Variants in PLPPR5 observed in about 807,000 individuals in gnomAD.
PLPPR5 encodes the protein phospholipid phosphatase related 5.
A neutral mutation model predicts 33.9 loss-of-function variants in PLPPR5; 16 were observed. That is an observed-to-expected ratio of 0.47 (90% CI 0.32 to 0.72). The LOEUF (loss-of-function observed/expected upper bound fraction) is 0.72. PLPPR5 is among the 30% of genes least tolerant of loss of function. The pLI, the probability that PLPPR5 is intolerant of heterozygous loss-of-function variation, is 0.03. For missense variants in PLPPR5, 301 were observed against 406.7 expected, an observed-to-expected ratio of 0.74 and a Z score of 2.23; for synonymous variants, 163 against 150.3, an observed-to-expected ratio of 1.08 and a Z score of -0.62.
At chr1:98,984,242 T>C (rs1476692687) in intron 1 of PLPPR5, among the ~76,000 whole-genome samples, 2 of 151,958 alleles carry the variant, frequency 1.3e-5, no homozygotes, top group Non-Finnish European at 2.9e-5. Flanking sequence ...GTCTATGCAA[T>C]GAGATACCCT....
intron 1 of PLPPR5, among the ~76,000 whole-genome samples, chr1:98,981,926 C>A (rs1247451971): frequency 6.6e-6 from 1 of 152,052 alleles, no homozygotes; most frequent in Non-Finnish European, 1.5e-5. Flanking sequence ...TAAGTGATTG[C>A]CTGCCCAAGC....
chr1:98,891,884 A>C lies in PLPPR5; in HGVS notation c.*1188T>G, dbSNP rs1293456918. On this transcript the variant is annotated 3_prime_UTR_variant, in exon 6 of 6. Transcript: ENST00000263177. ...TGACAGCTGTGCTATATTAGAAAGG[A>C]ATATGAGTTCAGGGCCAGAAAACTT... is the stretch of plus-strand genomic sequence containing the variant. The C allele has an allele frequency of 2.6e-5, 4 of 152,078 alleles. No homozygotes were observed. Among genetic ancestry groups the C allele is most frequent in the Non-Finnish European group, 5.9e-5 (4 of 68,006 alleles). The allele number at this position is 152,078 out of a possible 1,614,324, so 9.4% of individuals were successfully genotyped here. A position where few individuals can be genotyped will look rare whatever the true frequency, so the allele number is the denominator to read the frequency against.
chr1:98,920,941 G>A (rs1332851097), intron 4 of PLPPR5, among the ~76,000 whole-genome samples: 1 of 152,020 alleles, frequency 6.6e-6, no homozygotes, highest in Non-Finnish European at 1.5e-5. Context: ...CATGAATAGA[G>A]GGAAGTTCAG....
intron 4 of PLPPR5, among the ~76,000 whole-genome samples, chr1:98,919,451 A>T (rs1454431352): frequency 6.6e-6 from 1 of 152,198 alleles, no homozygotes; most frequent in Non-Finnish European, 1.5e-5. Context: ...CAAGATAATT[A>T]GAAACACCCT....
intron 3 of PLPPR5, among the ~76,000 whole-genome samples, chr1:98,952,187 T>C (rs979112379): frequency 7.0e-6 from 1 of 143,320 alleles, no homozygotes; most frequent in African/African-American, 2.6e-5. Context: ...GGGGTGAACC[T>C]GGGAGGCGGA....
chr1:98,946,620 C>G (rs1437367463), intron 3 of PLPPR5, among the ~76,000 whole-genome samples: 1 of 152,190 alleles, frequency 6.6e-6, no homozygotes, highest in Non-Finnish European at 1.5e-5. Context: ...CCAAGTACCA[C>G]TCACCTCTGA....
rs567722130 is a variant in PLPPR5 at position 98,963,175 on chromosome 1, T to C, written c.238-6434A>G. On this transcript the variant is annotated intron_variant, in intron 1 of 5. Transcript: ENST00000263177. ...TTTTTATGCTTGGTCCATGGCTTAG[T>C]ATATCTTGGTAGGCAGTGCATGGTT... 2.0e-3 allele frequency among the ~76,000 whole-genome samples: 310 copies of C among 152,314 alleles called. 1 individual carries two copies. The highest frequency in any genetic ancestry group is 3.5e-3 in the Non-Finnish European group (240 of 68,026).
chr1:99,005,320 C>A (rs1283187318), upstream of PLPPR5, among the ~76,000 whole-genome samples: 2 of 152,146 alleles, frequency 1.3e-5, no homozygotes, highest in African/African-American at 2.4e-5. Context: ...AGTGCCGATG[C>A]GGCGCCCAGA....
chr1:98,949,915 CTAGTTTGT>C (rs1188708603), intron 3 of PLPPR5, among the ~76,000 whole-genome samples: 2 of 152,072 alleles, frequency 1.3e-5, no homozygotes, highest in African/African-American at 4.8e-5. Context: ...AGCAGGAATC[CTAGTTTGT>C]AGTCTGAACC....
intron 3 of PLPPR5, among the ~76,000 whole-genome samples, chr1:98,949,267 GC>G (rs1051653481): frequency 6.8e-5 from 9 of 133,178 alleles, no homozygotes; most frequent in African/African-American, 2.4e-4. Context: ...TAGGAATAGA[GC>G]TTTTTTTTTT....
chr1:98,994,576 T>C (rs1439237188), intron 1 of PLPPR5, among the ~76,000 whole-genome samples: 4 of 152,136 alleles, frequency 2.6e-5, no homozygotes, highest in African/African-American at 9.7e-5. Flanking sequence ...GTCTGTAATT[T>C]ACTTTAAAAC....
rs1239073786 is a variant in PLPPR5 at position 98,953,314 on chromosome 1, T to C, written c.377A>G (p.Tyr126Cys). Residue 126 changes from tyrosine to cysteine, a missense_variant, in exon 3 of 6, where the codon TAT becomes TGT. Coordinates refer to ENST00000263177, the MANE Select transcript of PLPPR5 (RefSeq NM_001037317.2). ...ATCTGTAGCAAACAGTCCAAATGTATAAATTCCTGGGGAAGAAAACAAATA... is the reference window on the plus strand; with the variant it reads ...ATCTGTAGCAAACAGTCCAAATGTACAAATTCCTGGGGAAGAAAACAAATA... ...VRRTVRFLGI[Y>C]TFGLFATDIF... 1 of 1,613,568 alleles carries C rather than the reference T, an allele frequency of 6.2e-7. No individual in the cohort carries two copies. Among genetic ancestry groups the C allele is most frequent in the African/African-American group, 1.3e-5 (1 of 74,862 alleles).
At chr1:98,956,529 A>G (rs1651006126) in intron 2 of PLPPR5, 80 bp downstream of exon 2, 2 of 1,343,874 alleles carry the variant, frequency 1.5e-6, no homozygotes, top group Non-Finnish European at 9.9e-7. Context: ...GCAAACAGTT[A>G]ACATGTGGGT....
intron 3 of PLPPR5, among the ~76,000 whole-genome samples, chr1:98,941,228 A>G (rs1185318720): frequency 1.3e-5 from 2 of 151,936 alleles, no homozygotes; most frequent in African/African-American, 4.8e-5. Context: ...AAGAAAAGCA[A>G]ATTTGAAGAA....
intron 3 of PLPPR5, among the ~76,000 whole-genome samples, chr1:98,947,977 G>A (rs959684433): frequency 1.3e-5 from 2 of 152,200 alleles, no homozygotes; most frequent in African/African-American, 4.8e-5. Context: ...AGCTTTAGAG[G>A]AATGGCCTTC....
chr1:99,005,250 A>C (rs1369023939), upstream of PLPPR5, among the ~76,000 whole-genome samples: 1 of 152,154 alleles, frequency 6.6e-6, no homozygotes, highest in Non-Finnish European at 1.5e-5. Context: ...AAACCCGCAC[A>C]ACGCCTGGGA....
chr1:98,933,158 A>T (rs911546274), intron 3 of PLPPR5, among the ~76,000 whole-genome samples: 1 of 152,046 alleles, frequency 6.6e-6, no homozygotes, highest in Non-Finnish European at 1.5e-5. Flanking sequence ...CAAACAAAAC[A>T]AAAATTTGTC....
intron 3 of PLPPR5, among the ~76,000 whole-genome samples, chr1:98,931,371 C>A (rs1182548832): frequency 6.6e-6 from 1 of 151,966 alleles, no homozygotes; most frequent in Non-Finnish European, 1.5e-5. Flanking sequence ...ATCAGGTAAT[C>A]CAAACAATTC....
chr1:98,940,988 AG>A (rs1650349006), intron 3 of PLPPR5, among the ~76,000 whole-genome samples: 1 of 151,832 alleles, frequency 6.6e-6, no homozygotes, highest in Non-Finnish European at 1.5e-5. Flanking sequence ...TCTGCAAGTA[AG>A]GTGCTGATGA....
Sources: allele counts gnomAD v4.1 joint callset (sites outside exome capture counted in the v4.1 genomes callset), GRCh38; gene constraint gnomAD v4.1.1; transcripts MANE v1.5; gene names NCBI Gene and HGNC (gene_info 2026-07-23, HGNC 2026-07-21).